The following PHF21A variants were observed in gnomAD, a reference collection of about 807,000 sequenced individuals.
PHF21A encodes BHC80a.
PHF21A carries 11 observed loss-of-function variants against 82.5 expected under a neutral mutation model. That is an observed-to-expected ratio of 0.13 (90% CI 0.08 to 0.22). The LOEUF (loss-of-function observed/expected upper bound fraction) is 0.22. PHF21A is among the 10% of genes least tolerant of loss of function. PHF21A has a pLI of 1.00. For missense variants in PHF21A, 579 were observed against 837.8 expected, an observed-to-expected ratio of 0.69 and a Z score of 3.81; for synonymous variants, 297 against 302.8, an observed-to-expected ratio of 0.98 and a Z score of 0.20.
chr11:46,032,355 A>G (rs2095881662), intron 6 of PHF21A, among the ~76,000 whole-genome samples: 1 of 152,216 alleles, frequency 6.6e-6, no homozygotes, highest in Non-Finnish European at 1.5e-5. Context: ...CTGGGATCAT[A>G]CACTGCATAG....
intron 1 of PHF21A, among the ~76,000 whole-genome samples, chr11:46,104,318 C>T (rs1409552437): frequency 6.6e-6 from 1 of 152,096 alleles, no homozygotes; most frequent in African/African-American, 2.4e-5. Context: ...TTGAGAGTTA[C>T]AATGCCTAGT....
chr11:45,948,550 G>T (rs1364222116), intron 14 of PHF21A, among the ~76,000 whole-genome samples: 1 of 152,236 alleles, frequency 6.6e-6, no homozygotes, highest in Non-Finnish European at 1.5e-5. Context: ...GCTCTGTTCT[G>T]CTTAATGACT....
intron 1 of PHF21A, among the ~76,000 whole-genome samples, chr11:46,103,727 C>CA (rs2097124483): frequency 6.6e-6 from 1 of 152,136 alleles, no homozygotes; most frequent in African/African-American, 2.4e-5. Flanking sequence ...TAAGCTATTA[C>CA]AAATACATTT....
intron 5 of PHF21A, among the ~76,000 whole-genome samples, chr11:46,078,525 A>C (rs2096754587): frequency 6.6e-6 from 1 of 152,222 alleles, no homozygotes; most frequent in Non-Finnish European, 1.5e-5. Flanking sequence ...GAAATAGAGA[A>C]TAAAATGCCT....
intron 6 of PHF21A, among the ~76,000 whole-genome samples, chr11:45,997,088 C>G (rs61882507): frequency 6.6e-6 from 1 of 152,112 alleles, no homozygotes; most frequent in South Asian, 2.1e-4. Flanking sequence ...ATTAATAAGA[C>G]GCTTAGTATT....
chr11:45,946,238 G>A, intron 14 of PHF21A: 1 of 892,246 alleles, frequency 1.1e-6, no homozygotes. Flanking sequence ...GAGCTCTGGA[G>A]AATGACAGAA....
intron 6 of PHF21A, among the ~76,000 whole-genome samples, chr11:46,063,269 A>G (rs547113917): frequency 6.6e-6 from 1 of 152,310 alleles, no homozygotes; most frequent in Non-Finnish European, 1.5e-5. Context: ...TACAGTCTAT[A>G]TACAGTGTAG....
chr11:46,098,727 A>C (rs1197361472), intron 1 of PHF21A, among the ~76,000 whole-genome samples: 1 of 152,228 alleles, frequency 6.6e-6, no homozygotes, highest in Non-Finnish European at 1.5e-5. Flanking sequence ...TTAACAACAA[A>C]AAAACAACTC....
At chr11:46,002,958 A>G (rs1220152331) in intron 6 of PHF21A, among the ~76,000 whole-genome samples, 1 of 152,188 alleles carries the variant, frequency 6.6e-6, no homozygotes, top group African/African-American at 2.4e-5. Context: ...AATAAAATGA[A>G]TTAATTGGAT....
At chr11:46,104,390 T>TCAC (rs2097131446) in intron 1 of PHF21A, among the ~76,000 whole-genome samples, 1 of 152,148 alleles carries the variant, frequency 6.6e-6, no homozygotes, top group Non-Finnish European at 1.5e-5. Flanking sequence ...GGTGCTGGTC[T>TCAC]CACCAGCTGT....
chr11:45,991,612 A>G (rs1402815421), intron 6 of PHF21A, among the ~76,000 whole-genome samples: 1 of 152,170 alleles, frequency 6.6e-6, no homozygotes, highest in Non-Finnish European at 1.5e-5. Context: ...TGCTTTTAGA[A>G]AAAATAAGTA....
At position 45,965,540 on chromosome 11, in the gene PHF21A, A is replaced by T. The variant is rs151169176; in HGVS notation, c.771T>A (p.Ala257=). Residue 257 remains alanine (A), a synonymous_variant, in exon 10 of 19, where the codon GCT becomes GCA. Coordinates refer to ENST00000676320, the MANE Select transcript of PHF21A (RefSeq NM_001352027.3). The part of the protein sequence containing the change: ...IAPAPPPMLA[A]PQLIQRPVML... ...TGACGGGCCTCTGGATAAGCTGAGGAGCTGCGAGCATGGGAGGTGGTGCTG... is the reference window on the plus strand; with the variant it reads ...TGACGGGCCTCTGGATAAGCTGAGGTGCTGCGAGCATGGGAGGTGGTGCTG... 11,371 of 1,601,006 alleles carry T rather than the reference A, an allele frequency of 7.1e-3. 75 individuals carry two copies. The highest frequency in any genetic ancestry group is 0.032 in the Middle Eastern group (195 of 6,002).
rs2087532795 is a variant in PHF21A at position 45,930,156 on chromosome 11, G to A, written c.*3812C>T. 1 of 152,322 alleles carries A rather than the reference G, an allele frequency of 6.6e-6. No homozygotes were observed. The allele number at this position is 152,322 out of a possible 1,614,324, so 9.4% of individuals were successfully genotyped here. ...GAGGAAACCACTGAAGAGTGTGTGT[G>A]AGCTGGGAGGTGACAGCCCAAGGGA... is the stretch of plus-strand genomic sequence containing the variant. On this transcript the variant is annotated 3_prime_UTR_variant, in exon 19 of 19. Coordinates refer to ENST00000676320, the MANE Select transcript of PHF21A (RefSeq NM_001352027.3).
At chr11:45,955,868 C>CA (rs1210884632) in intron 10 of PHF21A, among the ~76,000 whole-genome samples, 1 of 152,118 alleles carries the variant, frequency 6.6e-6, no homozygotes, top group African/African-American at 2.4e-5. Context: ...TGAGGTCTGC[C>CA]AACAACCATG....
intron 2 of PHF21A, among the ~76,000 whole-genome samples, chr11:46,091,852 C>A (rs1001885469): frequency 1.3e-5 from 2 of 152,010 alleles, no homozygotes; most frequent in Non-Finnish European, 2.9e-5. Flanking sequence ...CTGGGCCTGG[C>A]TGGGAATCTG....
chr11:45,963,474 A>C (rs1353771863), intron 10 of PHF21A, among the ~76,000 whole-genome samples: 1 of 151,864 alleles, frequency 6.6e-6, no homozygotes, highest in Non-Finnish European at 1.5e-5. Context: ...TATAATCTAA[A>C]CTGTTAATAG....
intron 1 of PHF21A, among the ~76,000 whole-genome samples, chr11:46,109,649 G>T (rs2097189247): frequency 6.6e-6 from 1 of 151,948 alleles, no homozygotes; most frequent in African/African-American, 2.4e-5. Flanking sequence ...ATACTGTTAA[G>T]AACTACACCA....
intron 6 of PHF21A, among the ~76,000 whole-genome samples, chr11:46,064,556 C>T (rs183397907): frequency 6.6e-6 from 1 of 152,268 alleles, no homozygotes. Flanking sequence ...GCAGGACAGC[C>T]TCCCATCTAA....
In PHF21A at chr11:45,966,079, A is replaced by G. The variant is rs554535203; in HGVS notation, c.703-471T>C. Among the ~76,000 whole-genome samples the G allele has an allele frequency of 2.6e-5, 4 of 152,112 alleles. No homozygotes were observed. In the East Asian group the frequency reaches 7.7e-4, roughly 29 times the overall value. On this transcript the variant is annotated intron_variant, in intron 9 of 18. Coordinates refer to ENST00000676320, the MANE Select transcript of PHF21A (RefSeq NM_001352027.3). ...TTACTCTTCCTCTGCCTCATCCTAAATGTGAGTATTTCTTAGGATTTTTTT... is the reference window on the plus strand; with the variant it reads ...TTACTCTTCCTCTGCCTCATCCTAAGTGTGAGTATTTCTTAGGATTTTTTT...
Sources: gnomAD v4.1 joint callset for allele counts (sites outside exome capture counted in the v4.1 genomes callset) on GRCh38, gnomAD v4.1.1 for gene constraint, MANE v1.5 for transcripts, NCBI Gene and HGNC (gene_info 2026-07-23, HGNC 2026-07-21) for gene names.